Variants in SLC25A43 observed in about 807,000 individuals in gnomAD.
SLC25A43 encodes solute carrier family 25 member 43.
Under a neutral mutation model 22.8 loss-of-function variants are expected in SLC25A43, and 10 were observed. The observed-to-expected ratio is 0.44, with a 90% CI of 0.27 to 0.74. SLC25A43 has a LOEUF of 0.74. Ranked by LOEUF, SLC25A43 falls within the 30% of genes least tolerant of loss-of-function variation. SLC25A43 has a pLI of 0.17. For synonymous variants in SLC25A43, 106 were observed against 121.6 expected (o/e 0.87, Z 0.84); for missense variants, 233 against 279.1 (o/e 0.83, Z 1.18).
At chrX:119,443,448 CT>C (rs370848437) in intron 3 of SLC25A43, among the ~76,000 whole-genome samples, 4,465 of 72,465 alleles carry the variant, frequency 0.062, 178 homozygotes, top group Admixed American at 0.17. Flanking sequence ...CTCTCTCTCT[CT>C]TTTTTTTTTT....
At chrX:119,429,655 G>T (rs765451417) in intron 3 of SLC25A43, among the ~76,000 whole-genome samples, 1 of 111,827 alleles carries the variant, frequency 8.9e-6, no homozygotes, top group East Asian at 2.8e-4. Context: ...GAGCAGTTGG[G>T]GGCAGGAGTA....
intron 3 of SLC25A43, among the ~76,000 whole-genome samples, chrX:119,427,181 T>C (rs2052513964): frequency 9.0e-6 from 1 of 111,072 alleles, no homozygotes; most frequent in Admixed American, 9.6e-5. Context: ...CCTCAGCAGC[T>C]CTGCTCACTT....
chrX:119,400,763 G>T (rs1182998373), intron 1 of SLC25A43, among the ~76,000 whole-genome samples: 1 of 112,130 alleles, frequency 8.9e-6, no homozygotes. Context: ...CCTCTGCCTG[G>T]AAATAGAGTT....
At position 119,399,681 on chromosome X, in the gene SLC25A43, A is replaced by G. The variant is rs1346278087; in HGVS notation, c.275+3A>G. 18 of 987,901 alleles carry G rather than the reference A, an allele frequency of 1.8e-5. No homozygotes were observed. The highest frequency in any genetic ancestry group is 2.3e-5 in the Non-Finnish European group (18 of 786,540). 81.4% of individuals were successfully genotyped at this position (987,901 alleles called of 1,213,427 possible). A position where few individuals can be genotyped will look rare whatever the true frequency, so the allele number is the denominator to read the frequency against. Reference sequence around the variant, plus strand: ...GTGCAGCTCGCCGCCTACCGCAAGTAAGAGCCGGGCGGGGCCGGGGAACCG... The same window carrying G: ...GTGCAGCTCGCCGCCTACCGCAAGTGAGAGCCGGGCGGGGCCGGGGAACCG... On this transcript the variant is annotated splice_donor_region_variant and intron_variant, in intron 1 of 4. Coordinates refer to ENST00000217909, the MANE Select transcript of SLC25A43 (RefSeq NM_145305.3).
chrX:119,428,785 G>A (rs770218766), intron 3 of SLC25A43, among the ~76,000 whole-genome samples: 67 of 111,868 alleles, frequency 6.0e-4, no homozygotes, highest in Non-Finnish European at 1.1e-3. Flanking sequence ...CCTGAGCCCC[G>A]CCTCCTGTCA....
rs1163690460 is a variant in SLC25A43 at position 119,447,164 on chromosome X, G to A, written c.691-4845G>A. Among the ~76,000 whole-genome samples the A allele has an allele frequency of 2.7e-5, 3 of 111,177 alleles. No individual in the cohort carries two copies. In the East Asian group the frequency reaches 8.4e-4, roughly 31 times the overall value. Reference sequence around the variant, plus strand: ...AGACAGGGTTTTGCCATGTTGGCCAGGCTGGTCTCTAACTCCTGACCTCAG... The same window carrying A: ...AGACAGGGTTTTGCCATGTTGGCCAAGCTGGTCTCTAACTCCTGACCTCAG... On this transcript the variant is annotated intron_variant, in intron 3 of 4. Transcript: ENST00000217909.
At chrX:119,435,457 CTTTTTTTTTTTT>C (rs1175233726) in intron 3 of SLC25A43, among the ~76,000 whole-genome samples, 2 of 54,740 alleles carry the variant, frequency 3.7e-5, no homozygotes, top group African/African-American at 1.4e-4. Context: ...AGATTTTATT[CTTTTTTTTTTTT>C]TTTTTTTTTT....
chrX:119,407,893 C>T (rs916300935), intron 2 of SLC25A43, among the ~76,000 whole-genome samples: 2 of 110,729 alleles, frequency 1.8e-5, no homozygotes, highest in South Asian at 3.9e-4. Context: ...CACCAAGTCC[C>T]GTCGATTTGA....
intron 3 of SLC25A43, among the ~76,000 whole-genome samples, chrX:119,446,174 A>G (rs1431947888): frequency 1.9e-5 from 2 of 107,962 alleles, no homozygotes; most frequent in Non-Finnish European, 3.8e-5. Flanking sequence ...AAAAAAAAAA[A>G]AAAAGAAAGT....
At chrX:119,435,185 G>A (rs140963305) in intron 3 of SLC25A43, among the ~76,000 whole-genome samples, 6,229 of 110,661 alleles carry the variant, frequency 0.056, 167 homozygotes, top group South Asian at 0.11. Flanking sequence ...GGGCAGAGCA[G>A]ATCATATAGG....
intron 3 of SLC25A43, among the ~76,000 whole-genome samples, chrX:119,451,051 T>C (rs1389030254): frequency 9.0e-6 from 1 of 110,952 alleles, no homozygotes; most frequent in Non-Finnish European, 1.9e-5. Flanking sequence ...TAGTCCTAGA[T>C]ACTCAGGAGG....
chrX:119,415,724 A>T (rs1461597390), intron 3 of SLC25A43, among the ~76,000 whole-genome samples: 2 of 102,696 alleles, frequency 1.9e-5, no homozygotes, highest in Non-Finnish European at 4.0e-5. Context: ...CCTGGTGCAC[A>T]GGTGCCGTGA....
intron 3 of SLC25A43, among the ~76,000 whole-genome samples, chrX:119,447,577 G>A (rs1277093417): frequency 9.0e-6 from 1 of 110,679 alleles, no homozygotes; most frequent in Non-Finnish European, 1.9e-5. Flanking sequence ...CAAAGTGCTG[G>A]GATTGCACAT....
chrX:119,402,759 C>T (rs1328994783), intron 1 of SLC25A43, among the ~76,000 whole-genome samples: 1 of 110,839 alleles, frequency 9.0e-6, no homozygotes. Context: ...GGAACAGTGC[C>T]GCCCTAGCAA....
At chrX:119,412,472 T>C in intron 3 of SLC25A43, among the ~76,000 whole-genome samples, 1 of 111,233 alleles carries the variant, frequency 9.0e-6, no homozygotes, top group East Asian at 2.8e-4. Flanking sequence ...CCTCCTGGGT[T>C]TAAGCGATTC....
intron 3 of SLC25A43, among the ~76,000 whole-genome samples, chrX:119,432,925 A>G (rs779003176): frequency 9.1e-6 from 1 of 109,818 alleles, no homozygotes; most frequent in African/African-American, 3.3e-5. Context: ...CCTGGCCAAG[A>G]TGGTGAATCC....
chrX:119,421,912 A>G (rs1332500774), intron 3 of SLC25A43, among the ~76,000 whole-genome samples: 1 of 110,643 alleles, frequency 9.0e-6, no homozygotes, highest in Non-Finnish European at 1.9e-5. Flanking sequence ...GGTGAATACC[A>G]CCCACCCCCT....
intron 3 of SLC25A43, among the ~76,000 whole-genome samples, chrX:119,413,477 G>A (rs888388823): frequency 9.0e-6 from 1 of 111,588 alleles, no homozygotes; most frequent in African/African-American, 3.3e-5. Context: ...GGGCCGAGGC[G>A]GGTGGATCAC....
intron 4 of SLC25A43, 99 bp downstream of exon 4, chrX:119,452,242 C>A (rs1215673096): frequency 6.1e-6 from 6 of 985,433 alleles, no homozygotes; most frequent in Non-Finnish European, 8.2e-6. Flanking sequence ...CTTGGAAAAC[C>A]CCCTCTAGCA....
Sources: allele counts gnomAD v4.1 joint callset (sites outside exome capture counted in the v4.1 genomes callset), GRCh38; gene constraint gnomAD v4.1.1; transcripts MANE v1.5; gene names NCBI Gene and HGNC (gene_info 2026-07-23, HGNC 2026-07-21).